The following SLC25A12 variants were observed in gnomAD, a reference collection of about 807,000 sequenced individuals.
The protein encoded by SLC25A12 is electrogenic aspartate/glutamate antiporter SLC25A12, mitochondrial.
A neutral mutation model predicts 83.3 loss-of-function variants in SLC25A12; 32 were observed. That is an observed-to-expected ratio of 0.38 (90% CI 0.29 to 0.52). The LOEUF (loss-of-function observed/expected upper bound fraction) is 0.52, where lower values mean the gene tolerates loss of function less well. SLC25A12 is among the 20% of genes least tolerant of loss of function. The pLI is 0.84. For missense variants in SLC25A12, 611 were observed against 835.6 expected (o/e 0.73, Z 3.31); for synonymous variants, 267 against 291.1 (o/e 0.92, Z 0.84).
intron 4 of SLC25A12, among the ~76,000 whole-genome samples, chr2:171,851,918 A>C (rs1684942901): frequency 6.6e-6 from 1 of 152,218 alleles, no homozygotes; most frequent in Non-Finnish European, 1.5e-5. Context: ...ACCTGAATCT[A>C]ATAGTACTGA....
intron 9 of SLC25A12, among the ~76,000 whole-genome samples, chr2:171,819,324 AATATATAATTAT>A (rs1684126840): frequency 8.2e-6 from 1 of 122,336 alleles, no homozygotes; most frequent in South Asian, 2.4e-4. Flanking sequence ...TATAATACAT[AATATATAATTAT>A]ATATATTATT....
intron 9 of SLC25A12, among the ~76,000 whole-genome samples, chr2:171,818,469 C>T (rs1684103200): frequency 6.6e-6 from 1 of 151,472 alleles, no homozygotes; most frequent in Non-Finnish European, 1.5e-5. Flanking sequence ...ATACGTATCT[C>T]ATTTTGTAAG....
At chr2:171,856,062 G>C (rs1685038893) in intron 3 of SLC25A12, 113 bp from the exon 4 acceptor site, 1 of 729,020 alleles carries the variant, frequency 1.4e-6, no homozygotes, top group South Asian at 1.5e-5. Flanking sequence ...ATTGATAAAG[G>C]GTAGTTTGTT....
intron 9 of SLC25A12, among the ~76,000 whole-genome samples, chr2:171,819,189 GTAT>G (rs1684120672): frequency 8.1e-6 from 1 of 123,742 alleles, no homozygotes; most frequent in African/African-American, 3.1e-5. Context: ...TGTATAATAC[GTAT>G]TATATATTAA....
At position 171,834,484 on chromosome 2, in the gene SLC25A12, C is replaced by T. The variant is rs1573969760; in HGVS notation, c.751+243G>A. 10 of 536,572 alleles carry T rather than the reference C, an allele frequency of 1.9e-5. No homozygotes were observed. In the East Asian group the frequency reaches 2.7e-4, roughly 14 times the overall value. The allele number at this position is 536,572 out of a possible 1,614,324, so 33.2% of individuals were successfully genotyped here. A position where few individuals can be genotyped will look rare whatever the true frequency, so the allele number is the denominator to read the frequency against. On this transcript the variant is annotated intron_variant, in intron 7 of 17. Coordinates refer to ENST00000422440, the MANE Select transcript of SLC25A12 (RefSeq NM_003705.5). ...CAAACAAGCTGCTGCCACACTGCCA[C>T]TGACCTGTTTGACAGATTGGGTCAA...
intron 2 of SLC25A12, among the ~76,000 whole-genome samples, chr2:171,875,841 C>G (rs1034131147): frequency 7.4e-6 from 1 of 135,926 alleles, no homozygotes; most frequent in South Asian, 2.5e-4. Flanking sequence ...TTAACCCGGG[C>G]GGCGGAGCTT....
At chr2:171,858,301 A>G (rs1266456924) in intron 3 of SLC25A12, among the ~76,000 whole-genome samples, 1 of 152,264 alleles carries the variant, frequency 6.6e-6, no homozygotes, top group Non-Finnish European at 1.5e-5. Flanking sequence ...TCTATAGTGT[A>G]TTTTTCATGC....
At chr2:171,867,771 C>T (rs889068213) in intron 3 of SLC25A12, among the ~76,000 whole-genome samples, 1 of 152,234 alleles carries the variant, frequency 6.6e-6, no homozygotes, top group African/African-American at 2.4e-5. Context: ...CTCTTTGCAG[C>T]TCCTCTGTTT....
chr2:171,826,636 TG>T (rs1684305133), intron 9 of SLC25A12, among the ~76,000 whole-genome samples, 161 bp downstream of exon 9: 1 of 151,988 alleles, frequency 6.6e-6, no homozygotes. Context: ...TCTATAAAAG[TG>T]GGGGTAACAG....
rs546973782 is a variant in SLC25A12, at chr2:171,858,809, A to T, written c.210-2860T>A. Among the ~76,000 whole-genome samples the T allele has an allele frequency of 2.6e-5, 4 of 152,308 alleles. No homozygotes were observed. The South Asian group carries it at 8.3e-4, about 32-fold the overall frequency. On this transcript the variant is annotated intron_variant, in intron 3 of 17. Coordinates refer to ENST00000422440, the MANE Select transcript of SLC25A12 (RefSeq NM_003705.5). ...AGCAACCAAACAGGGCTCATCAGTTATCTATCTACAGACCACACTGTCCTT... is the reference window on the plus strand; with the variant it reads ...AGCAACCAAACAGGGCTCATCAGTTTTCTATCTACAGACCACACTGTCCTT...
intron 5 of SLC25A12, among the ~76,000 whole-genome samples, chr2:171,840,089 T>G (rs1684640333): frequency 6.6e-6 from 1 of 152,174 alleles, no homozygotes. Flanking sequence ...CTCCAACTAC[T>G]TATTACTCAG....
rs1269048487 is a variant in SLC25A12 at position 171,855,914 on chromosome 2, G to A, written c.245C>T (p.Ser82Phe). ...ISYQEFLAFE[S>F]VLCAPDSMFI... ...CATGGAATCTGGAGCACATAAAACA[G>A]ATTCAAATGCCAAAAACTCTTGATA... The change falls in exon 4 of 18, where the codon TCT becomes TTT. Residue 82 changes from serine to phenylalanine, a missense_variant. Physicochemically the swap from Ser to Phe is radical, Grantham distance 155. Around this residue, in one of 3 missense-constraint regions of SLC25A12, gnomAD observed 540 missense variants for 777.5 expected, o/e 0.69. Coordinates refer to ENST00000422440, the MANE Select transcript of SLC25A12 (RefSeq NM_003705.5). The A allele has an allele frequency of 6.2e-7, 1 of 1,613,016 alleles. No individual in the cohort carries two copies. The highest frequency in any genetic ancestry group is 1.7e-5 in the Admixed American group (1 of 59,996).
intron 11 of SLC25A12, among the ~76,000 whole-genome samples, chr2:171,812,597 A>C (rs1683968336): frequency 6.9e-6 from 1 of 144,812 alleles, no homozygotes; most frequent in African/African-American, 2.4e-5. Context: ...CTCTCCAAAG[A>C]GACAAGTTCC....
Position 171,857,802 on chromosome 2 carries a change from G to A in SLC25A12, c.210-1853C>T, listed in dbSNP as rs1573987558. ...GCTACTCAAAAGGATGAGGCATGAG[G>A]ATCACTTGAGCCCAGGAGTTCAAGG... On this transcript the variant is annotated intron_variant, in intron 3 of 17. Transcript: ENST00000422440. Among the ~76,000 whole-genome samples, 8 of 151,680 alleles carry A rather than the reference G, an allele frequency of 5.3e-5. No individual in the cohort carries two copies. The South Asian group carries it at 1.5e-3, about 28-fold the overall frequency.
rs563566785 is a variant in SLC25A12, at chr2:171,834,418, A to G, written c.751+309T>C. 1.5e-5 allele frequency: 7 copies of G among 461,914 alleles called. No homozygotes were observed. The Admixed American group carries it at 2.1e-4, about 14-fold the overall frequency. 28.6% of individuals were successfully genotyped at this position (461,914 alleles called of 1,614,324 possible). ...CATCCTAATACCACTCACCAAAAGG[A>G]GTAGGCTTGCTCATCTTTCTGTGGC... is the stretch of plus-strand genomic sequence containing the variant. On this transcript the variant is annotated intron_variant, in intron 7 of 17. Transcript: ENST00000422440.
chr2:171,826,619 T>C (rs1417779777), intron 9 of SLC25A12, among the ~76,000 whole-genome samples, 179 bp downstream of exon 9: 2 of 152,042 alleles, frequency 1.3e-5, no homozygotes, highest in African/African-American at 2.4e-5. Flanking sequence ...AAAAAATATA[T>C]ATATATTCTA....
intron 13 of SLC25A12, among the ~76,000 whole-genome samples, chr2:171,797,800 T>G (rs1482653481): frequency 6.6e-6 from 1 of 152,198 alleles, no homozygotes; most frequent in Non-Finnish European, 1.5e-5. Flanking sequence ...TTAAATTAAA[T>G]CACAATGATA....
At chr2:171,881,586 T>C (rs542470925) in intron 2 of SLC25A12, among the ~76,000 whole-genome samples, 3 of 152,332 alleles carry the variant, frequency 2.0e-5, no homozygotes, top group Admixed American at 6.5e-5. Flanking sequence ...TTCAGAAGTA[T>C]TGGCTTTTGG....
intron 9 of SLC25A12, among the ~76,000 whole-genome samples, chr2:171,821,017 CTTTTTTTTTTTTTTTT>C (rs869070730): frequency 2.1e-5 from 1 of 48,592 alleles, no homozygotes; most frequent in Non-Finnish European, 3.6e-5. Context: ...TATAAACATT[CTTTTTTTTTTTTTTTT>C]TTTTTTTTTT....
Sources: gnomAD v4.1 joint callset for allele counts (sites outside exome capture counted in the v4.1 genomes callset) on GRCh38, gnomAD v4.1.1 for gene constraint, gnomAD v4.1.1 regional missense constraint, MANE v1.5 for transcripts, NCBI Gene and HGNC (gene_info 2026-07-23, HGNC 2026-07-21) for gene names.